DLG2: variants seen among roughly 807,000 people sequenced by gnomAD.
DLG2 encodes discs large MAGUK scaffold protein 2, also known as disks large homolog 2.
A neutral mutation model predicts 132.5 loss-of-function variants in DLG2; 45 were observed. The ratio of observed to expected loss-of-function variants is 0.34; its 90% CI spans 0.27 to 0.44. The LOEUF (loss-of-function observed/expected upper bound fraction) is 0.44. Among genes scored for constraint, DLG2 ranks in the 20% least tolerant of loss-of-function variants. The pLI is 1.00. For synonymous variants in DLG2, 424 were observed against 419.6 expected, an observed-to-expected ratio of 1.01 and a Z score of -0.13; for missense variants, 1,045 against 1,196.9, an observed-to-expected ratio of 0.87 and a Z score of 1.87.
Position 83,801,719 on chromosome 11 carries a change from T to C in DLG2, c.1723-14927A>G, listed in dbSNP as rs369403015. Among the ~76,000 whole-genome samples the C allele has an allele frequency of 1.1e-4, 17 of 152,316 alleles. No homozygotes were observed. In the East Asian group the frequency reaches 2.1e-3, roughly 19 times the overall value. Reference sequence around the variant, plus strand: ...ATCTCTAATTCATCTGGTTTTACTTTCTTACAGAATTTAGGCCCACATGTT... The same window carrying C: ...ATCTCTAATTCATCTGGTTTTACTTCCTTACAGAATTTAGGCCCACATGTT... On this transcript the variant is annotated intron_variant, in intron 17 of 27. Coordinates refer to ENST00000376104, the MANE Select transcript of DLG2 (RefSeq NM_001142699.3).
At chr11:84,154,318 A>C (rs1221428290) in intron 9 of DLG2, among the ~76,000 whole-genome samples, 3 of 152,176 alleles carry the variant, frequency 2.0e-5, no homozygotes, top group African/African-American at 7.2e-5. Flanking sequence ...TTAAATACAA[A>C]AGTAATACAT....
At chr11:85,617,236 CGATGAT>C (rs1170805552) in intron 2 of DLG2, among the ~76,000 whole-genome samples, 1 of 152,126 alleles carries the variant, frequency 6.6e-6, no homozygotes, top group Non-Finnish European at 1.5e-5. Context: ...TCACTGCTAT[CGATGAT>C]GATGATAACA....
chr11:84,843,722 T>G (rs74318269), intron 6 of DLG2, among the ~76,000 whole-genome samples: 1,960 of 152,022 alleles, frequency 0.013, 36 homozygotes, highest in African/African-American at 0.045. Context: ...ATAGTTGTTA[T>G]ACTGCATTGT....
At chr11:84,662,968 A>G (rs1487304656) in intron 6 of DLG2, among the ~76,000 whole-genome samples, 1 of 151,980 alleles carries the variant, frequency 6.6e-6, no homozygotes, top group Non-Finnish European at 1.5e-5. Flanking sequence ...CCTGAGAGGA[A>G]AAGCCCTACC....
chr11:85,331,550 A>G (rs1457735655), intron 3 of DLG2, among the ~76,000 whole-genome samples: 2 of 152,124 alleles, frequency 1.3e-5, no homozygotes, highest in African/African-American at 2.4e-5. Flanking sequence ...TTAGTGTACA[A>G]ATAATTTTAT....
chr11:84,284,313 C>T (rs969765315), intron 7 of DLG2, among the ~76,000 whole-genome samples: 2 of 152,250 alleles, frequency 1.3e-5, no homozygotes, highest in African/African-American at 2.4e-5. Context: ...ACTCACATGA[C>T]TGTGCCATGG....
chr11:85,109,159 C>G (rs911735196), intron 6 of DLG2, among the ~76,000 whole-genome samples: 1 of 152,100 alleles, frequency 6.6e-6, no homozygotes, highest in African/African-American at 2.4e-5. Context: ...ACATGACCAT[C>G]GGGAGCCCAC....
At position 84,705,988 on chromosome 11, in the gene DLG2, C is replaced by T. The variant is rs1484176307; in HGVS notation, c.358-171257G>A. On this transcript the variant is annotated intron_variant, in intron 6 of 27. Transcript: ENST00000376104. ...AGACTCTGACACCTCATGATATTTA[C>T]AGCCTTGTGACACTTGAGTTCAATA... 2.6e-5 allele frequency among the ~76,000 whole-genome samples: 4 copies of T among 151,780 alleles called. No individual in the cohort carries two copies. The East Asian group carries it at 5.8e-4, about 22-fold the overall frequency.
At chr11:84,381,476 T>C (rs557350860) in intron 7 of DLG2, among the ~76,000 whole-genome samples, 1 of 152,304 alleles carries the variant, frequency 6.6e-6, no homozygotes, top group East Asian at 1.9e-4. Flanking sequence ...TATATACATG[T>C]TCTTCATTTT....
chr11:85,098,522 T>C (rs894156411), intron 6 of DLG2, among the ~76,000 whole-genome samples: 2 of 152,224 alleles, frequency 1.3e-5, no homozygotes, highest in Non-Finnish European at 2.9e-5. Context: ...CAGAATGCAT[T>C]TTTGCATCAA....
intron 3 of DLG2, chr11:85,525,162 A>G (rs2074651529): frequency 6.6e-6 from 1 of 152,248 alleles, no homozygotes; most frequent in African/African-American, 2.4e-5. Flanking sequence ...TTAACAGAAT[A>G]AAATTTAAAA....
chr11:84,991,142 T>A (rs79063707), intron 6 of DLG2, among the ~76,000 whole-genome samples: 2,992 of 152,252 alleles, frequency 0.02, 53 homozygotes, highest in Admixed American at 0.042. Context: ...ATATTGCAAA[T>A]TTGAAAAACA....
intron 22 of DLG2, among the ~76,000 whole-genome samples, chr11:83,482,664 G>A (rs548285758): frequency 1.3e-5 from 2 of 151,896 alleles, no homozygotes; most frequent in South Asian, 2.1e-4. Context: ...CAGGATCACC[G>A]CAAGTCAGAA....
At chr11:84,634,107 T>C (rs2099636642) in intron 6 of DLG2, among the ~76,000 whole-genome samples, 1 of 152,142 alleles carries the variant, frequency 6.6e-6, no homozygotes. Flanking sequence ...TTAAAACATA[T>C]GTGAAGAGTA....
intron 8 of DLG2, among the ~76,000 whole-genome samples, chr11:84,240,703 T>C (rs1401713210): frequency 6.6e-6 from 1 of 152,086 alleles, no homozygotes; most frequent in African/African-American, 2.4e-5. Context: ...TGAACAAAGG[T>C]AAGGATATAG....
At chr11:84,225,340 T>C (rs1209221151) in intron 8 of DLG2, among the ~76,000 whole-genome samples, 2 of 152,246 alleles carry the variant, frequency 1.3e-5, no homozygotes, top group East Asian at 3.8e-4. Context: ...ACAGAGATTA[T>C]TCAGCTTCAT....
chr11:85,302,028 TA>T (rs1192144457), intron 3 of DLG2, among the ~76,000 whole-genome samples: 2 of 152,176 alleles, frequency 1.3e-5, no homozygotes, highest in Non-Finnish European at 2.9e-5. Flanking sequence ...AAAATTATCT[TA>T]AGAGCACATG....
At chr11:84,358,096 T>A (rs1291400489) in intron 7 of DLG2, among the ~76,000 whole-genome samples, 1 of 152,074 alleles carries the variant, frequency 6.6e-6, no homozygotes, top group Non-Finnish European at 1.5e-5. Context: ...AGTATCTCAT[T>A]GCTCATTCAG....
chr11:84,970,631 T>C (rs1400255775), intron 6 of DLG2, among the ~76,000 whole-genome samples: 4 of 152,076 alleles, frequency 2.6e-5, no homozygotes, highest in East Asian at 3.9e-4. Context: ...CATTTCCTAA[T>C]AGCAACCCTT....
Sources: gnomAD v4.1 joint callset for allele counts (sites outside exome capture counted in the v4.1 genomes callset) on GRCh38, gnomAD v4.1.1 for gene constraint, MANE v1.5 for transcripts, NCBI Gene and HGNC (gene_info 2026-07-23, HGNC 2026-07-21) for gene names.